SPRR2G: variants seen among roughly 807,000 people sequenced by gnomAD.
The protein encoded by SPRR2G is small proline rich protein 2G.
In SPRR2G, 1 loss-of-function variant was observed where a neutral mutation model predicts 0.7. The observed-to-expected ratio is 1.49, with a 90% confidence interval of 0.53 to 7.06. SPRR2G has a LOEUF of 7.06. Ranked by LOEUF, SPRR2G falls within the 30% of genes most tolerant of loss-of-function variation. SPRR2G has a pLI of 0.14. For missense variants in SPRR2G, 96 were observed against 88.5 expected (o/e 1.09, Z -0.34); for synonymous variants, 38 against 33.9 (o/e 1.12, Z -0.42).
the SPRR2G span, among the ~76,000 whole-genome samples, chr1:153,196,561 AAAG>A: frequency 4.9e-3 from 747 of 152,322 alleles, 10 homozygotes; most frequent in African/African-American, 0.017. Context: ...TCCTGTGGCA[AAAG>A]AAGATCATTA....
chr1:153,160,664 A>G, the SPRR2G span, among the ~76,000 whole-genome samples: 1 of 152,244 alleles, frequency 6.6e-6, no homozygotes, highest in Non-Finnish European at 1.5e-5. Context: ...TAGTTCAACC[A>G]TTGTGGAAGT....
chr1:153,194,250 T>C, the SPRR2G span, among the ~76,000 whole-genome samples: 1 of 152,162 alleles, frequency 6.6e-6, no homozygotes, highest in Non-Finnish European at 1.5e-5. Flanking sequence ...CAGTCAATAA[T>C]AGGAGAAAAG....
In SPRR2G at chr1:153,149,675, C is replaced by A; in HGVS notation, c.*214G>T. On this transcript the variant is annotated 3_prime_UTR_variant, in exon 2 of 2. Transcript: ENST00000368748. ...TAGGAACCACCATCTACATCACAGA[C>A]AGCAAAGCGAGATTAGGCAGTGATC... 1 of 640,722 alleles carries A rather than the reference C, an allele frequency of 1.6e-6. No individual in the cohort carries two copies. 39.7% of individuals were successfully genotyped at this position (640,722 alleles called of 1,614,324 possible).
the SPRR2G span, among the ~76,000 whole-genome samples, chr1:153,193,908 A>C: frequency 2.0e-5 from 3 of 152,198 alleles, no homozygotes; most frequent in Non-Finnish European, 4.4e-5. Context: ...CTGCATGGAC[A>C]CCAGAGCCCC....
the SPRR2G span, among the ~76,000 whole-genome samples, chr1:153,194,067 C>A: frequency 6.6e-6 from 1 of 152,126 alleles, no homozygotes; most frequent in African/African-American, 2.4e-5. Context: ...CCTTCTGCAT[C>A]ATCTTGAGCT....
chr1:153,167,414 T>A, the SPRR2G span, among the ~76,000 whole-genome samples: 1 of 151,758 alleles, frequency 6.6e-6, no homozygotes, highest in South Asian at 2.1e-4. Flanking sequence ...GCAGAGGCTG[T>A]GGTGAGCCAA....
the SPRR2G span, among the ~76,000 whole-genome samples, chr1:153,162,642 C>T: frequency 6.6e-6 from 1 of 152,040 alleles, no homozygotes; most frequent in Non-Finnish European, 1.5e-5. Context: ...AAGTGAGGGG[C>T]CGCAGGGTCC....
the SPRR2G span, among the ~76,000 whole-genome samples, chr1:153,187,589 T>C: frequency 6.6e-6 from 1 of 152,108 alleles, no homozygotes; most frequent in Non-Finnish European, 1.5e-5. Context: ...TTATTCTAGT[T>C]AGCAATTCCT....
the SPRR2G span, among the ~76,000 whole-genome samples, chr1:153,162,795 T>C: frequency 6.6e-6 from 1 of 152,224 alleles, no homozygotes; most frequent in African/African-American, 2.4e-5. Flanking sequence ...TATATTTTAA[T>C]TTTCTATGTG....
chr1:153,149,886 A>G lies in SPRR2G; in HGVS notation c.*3T>C, dbSNP rs756333877. ...TTCATGGTCCTGATGAATTCTAGTG[A>G]TGTTACTTGCTCTTGGGTGGATACT... On this transcript the variant is annotated 3_prime_UTR_variant, in exon 2 of 2. Coordinates refer to ENST00000368748, the MANE Select transcript of SPRR2G (RefSeq NM_001014291.4). 1 of 1,613,978 alleles carries G rather than the reference A, an allele frequency of 6.2e-7. No homozygotes were observed.
the SPRR2G span, among the ~76,000 whole-genome samples, chr1:153,183,718 G>C: frequency 1.3e-5 from 2 of 152,130 alleles, no homozygotes; most frequent in South Asian, 4.1e-4. Context: ...AAGCTCTTTA[G>C]TTTAATTAGA....
the SPRR2G span, among the ~76,000 whole-genome samples, chr1:153,188,325 G>T: frequency 6.6e-6 from 1 of 152,276 alleles, no homozygotes; most frequent in Middle Eastern, 3.4e-3. Flanking sequence ...TCCCCCAGGT[G>T]CTCTGTCCCA....
upstream of SPRR2G, among the ~76,000 whole-genome samples, chr1:153,152,344 A>T (rs534228559): frequency 3.9e-5 from 6 of 152,290 alleles, no homozygotes; most frequent in South Asian, 1.2e-3. Context: ...TAGCACCTAC[A>T]GGGTCGGCAC....
the SPRR2G span, among the ~76,000 whole-genome samples, chr1:153,200,583 TTA>T: frequency 6.6e-6 from 1 of 152,178 alleles, no homozygotes; most frequent in African/African-American, 2.4e-5. Context: ...TCGACATAAG[TTA>T]TATATTATCT....
At chr1:153,151,903 A>G (rs535745661), upstream of SPRR2G, among the ~76,000 whole-genome samples, 4 of 152,202 alleles carry the variant, frequency 2.6e-5, no homozygotes, top group Non-Finnish European at 5.9e-5. Context: ...TTATTTAACC[A>G]TATTAACACT....
At chr1:153,175,662 A>C in the SPRR2G span, among the ~76,000 whole-genome samples, 1 of 152,214 alleles carries the variant, frequency 6.6e-6, no homozygotes, top group Non-Finnish European at 1.5e-5. Context: ...CATTATACTT[A>C]AGTAATTATC....
At chr1:153,155,434 G>A (rs548005778), upstream of SPRR2G, among the ~76,000 whole-genome samples, 123 of 152,124 alleles carry the variant, frequency 8.1e-4, 2 homozygotes, top group African/African-American at 2.8e-3. Context: ...AGTATCTCTG[G>A]AATCCATCTC....
the SPRR2G span, among the ~76,000 whole-genome samples, chr1:153,168,108 GAGA>G: frequency 6.6e-6 from 1 of 152,112 alleles, no homozygotes; most frequent in Admixed American, 6.5e-5. Flanking sequence ...ATCACTAGGA[GAGA>G]AGAATGCTTT....
chr1:153,195,383 T>C, the SPRR2G span, among the ~76,000 whole-genome samples: 1 of 152,210 alleles, frequency 6.6e-6, no homozygotes, highest in African/African-American at 2.4e-5. Flanking sequence ...ACGTGGGCCA[T>C]GTTTCGGTCT....
Sources: gnomAD v4.1 joint callset for allele counts (sites outside exome capture counted in the v4.1 genomes callset) on GRCh38, gnomAD v4.1.1 for gene constraint, MANE v1.5 for transcripts, NCBI Gene and HGNC (gene_info 2026-07-23, HGNC 2026-07-21) for gene names.